The following CRYBG2 variants were observed in gnomAD, a reference collection of about 807,000 sequenced individuals.
CRYBG2 encodes the protein crystallin beta-gamma domain containing 2, also known as beta/gamma crystallin domain-containing protein 2.
Under a neutral mutation model 153.4 loss-of-function variants are expected in CRYBG2, and 106 were observed. The observed-to-expected ratio is 0.69, with a 90% confidence interval of 0.59 to 0.81. The LOEUF is 0.81. Among genes scored for constraint, CRYBG2 ranks in the 30% least tolerant of loss-of-function variants. The pLI, the probability that CRYBG2 is intolerant of heterozygous loss-of-function variation, is 0.00. For synonymous variants in CRYBG2, 851 were observed against 877.8 expected, an observed-to-expected ratio of 0.97 and a Z score of 0.54; for missense variants, 1,996 against 2,112.0, an observed-to-expected ratio of 0.95 and a Z score of 1.08.
intron 14 of CRYBG2, 151 bp from the exon 15 acceptor site, chr1:26,331,769 T>G: frequency 9.1e-7 from 1 of 1,094,214 alleles, no homozygotes; most frequent in East Asian, 2.6e-5. Context: ...CAGCAGGGAA[T>G]GAGGTCAGAC....
Position 26,351,211 on chromosome 1 carries a change from A to G in CRYBG2, c.-56+2825T>C, listed in dbSNP as rs935817460. Among the ~76,000 whole-genome samples, 14 of 152,140 alleles carry G rather than the reference A, an allele frequency of 9.2e-5. 1 individual carries two copies. Among genetic ancestry groups the G allele is most frequent in the African/African-American group, 3.4e-4 (14 of 41,526 alleles). On this transcript the variant is annotated intron_variant, in intron 1 of 19. Transcript: ENST00000308182. The stretch of plus-strand genomic sequence containing the variant: ...GGCCCCAGCCCACTCCCCTGTCCCC[A>G]TTAGGGAGCTCCCTTTTTCCTCATG...
Position 26,344,982 on chromosome 1 carries a change from G to A in CRYBG2, c.1676C>T (p.Ser559Phe). ...VKGPGAPAASSPTQKEVVQGS... is the reference protein window; with the variant it reads ...VKGPGAPAASFPTQKEVVQGS... ...CTGCACCACCTCCTTCTGGGTGGGGGATGAGGCAGCAGGAGCACCAGGGCC... is the reference window on the plus strand; with the variant it reads ...CTGCACCACCTCCTTCTGGGTGGGGAATGAGGCAGCAGGAGCACCAGGGCC... Residue 559 changes from serine (S) to phenylalanine (F), a missense_variant, in exon 2 of 20, where the codon TCC (serine) becomes TTC (phenylalanine). Transcript: ENST00000308182. 7.6e-7 allele frequency: 1 copy of A among 1,319,490 alleles called. No homozygotes were observed. The allele number at this position is 1,319,490 out of a possible 1,614,324, so 81.7% of individuals were successfully genotyped here. A position where few individuals can be genotyped will look rare whatever the true frequency, so the allele number is the denominator to read the frequency against.
In CRYBG2 at chr1:26,338,487, A is replaced by G; in HGVS notation, c.3345-10T>C. ...GGGGTACAGTAGCCACCTAGGGGAA[A>G]CAGAGAGGCTGCTGCACCCTAGCAG... On this transcript the variant is annotated splice_polypyrimidine_tract_variant and intron_variant, in intron 6 of 19. Coordinates refer to ENST00000308182, the MANE Select transcript of CRYBG2 (RefSeq NM_001039775.4). The G allele has an allele frequency of 6.3e-7, 1 of 1,595,942 alleles. No individual in the cohort carries two copies. Among genetic ancestry groups the G allele is most frequent in the Non-Finnish European group, 8.5e-7 (1 of 1,171,832 alleles).
At chr1:26,327,252 A>C (rs2073936019) in intron 17 of CRYBG2, among the ~76,000 whole-genome samples, 2 of 151,850 alleles carry the variant, frequency 1.3e-5, no homozygotes, top group Non-Finnish European at 1.5e-5. Flanking sequence ...GCAGATCACA[A>C]GTCAGGCGTT....
intron 5 of CRYBG2, among the ~76,000 whole-genome samples, chr1:26,341,351 A>T (rs112252019): frequency 4.6e-5 from 7 of 151,972 alleles, no homozygotes; most frequent in Admixed American, 6.6e-5. Flanking sequence ...AAAAAAAAAT[A>T]AAAAAATCAA....
chr1:26,328,189 G>A lies in CRYBG2; in HGVS notation c.4578+20C>T, dbSNP rs763767859. 1 of 1,557,984 alleles carries A rather than the reference G, an allele frequency of 6.4e-7. No homozygotes were observed. The highest frequency in any genetic ancestry group is 1.9e-5 in the Admixed American group (1 of 52,072). ...ACACGCTCAGCCCCAGACACGCTCAGCTCCAGCCACGCTACCCACCTGCTT... is the reference window on the plus strand; with the variant it reads ...ACACGCTCAGCCCCAGACACGCTCAACTCCAGCCACGCTACCCACCTGCTT... On this transcript the variant is annotated intron_variant, in intron 17 of 19. Transcript: ENST00000308182.
At chr1:26,323,100 A>G (rs1463393612) in intron 18 of CRYBG2, among the ~76,000 whole-genome samples, 1 of 126,618 alleles carries the variant, frequency 7.9e-6, no homozygotes, top group Non-Finnish European at 1.7e-5. Flanking sequence ...TTTTTTTTTG[A>G]GACAGAGTCT....
At chr1:26,322,771 G>A (rs1177247038) in intron 18 of CRYBG2, among the ~76,000 whole-genome samples, 1 of 152,182 alleles carries the variant, frequency 6.6e-6, no homozygotes, top group South Asian at 2.1e-4. Flanking sequence ...TCAATGCAGA[G>A]CCTGGCATGT....
rs149297216 is a variant in CRYBG2, at chr1:26,339,324, G to T, written c.3310C>A (p.Leu1104Met). Residue 1104 changes from leucine to methionine, a missense_variant, in exon 6 of 20, where the codon CTG (leucine) becomes ATG (methionine). Leu to Met is a conservative substitution (Grantham distance 15). Coordinates refer to ENST00000308182, the MANE Select transcript of CRYBG2 (RefSeq NM_001039775.4). ...LKNSQGLEKPLQVASATVSAG... is the reference protein window; with the variant it reads ...LKNSQGLEKPMQVASATVSAG... ...GAGACGGTGGCAGATGCCACCTGCA[G>T]GGGCTTCTCCAGACCCTGGGAATTC... 2.5e-5 allele frequency: 40 copies of T among 1,614,064 alleles called. No individual in the cohort carries two copies. In the African/African-American group the frequency reaches 4.8e-4, roughly 19 times the overall value.
chr1:26,336,702 G>A lies in CRYBG2; in HGVS notation c.3942C>T (p.Ser1314=), dbSNP rs751991056. 1 of 1,575,008 alleles carries A rather than the reference G, an allele frequency of 6.3e-7. No homozygotes were observed. The highest frequency in any genetic ancestry group is 8.6e-7 in the Non-Finnish European group (1 of 1,159,964). The stretch of plus-strand genomic sequence containing the variant: ...CCTTCTCCAGCACGTACTGTTCCCC[G>A]GAGAAGCCCACCTCCTGGTAGGCCA... The part of the protein sequence containing the change: ...VWVAYQEVGF[S]GEQYVLEKGV... The change falls in exon 12 of 20, where the codon TCC becomes TCT. Residue 1314 remains serine (S), a synonymous_variant. Transcript: ENST00000308182. The surrounding 1 kb of genome is among the most constrained non-coding windows in gnomAD (Gnocchi z 4.9).
chr1:26,345,893 C>A lies in CRYBG2; in HGVS notation c.765G>T (p.Arg255Ser), dbSNP rs370868026. 2 of 1,597,598 alleles carry A rather than the reference C, an allele frequency of 1.3e-6. No homozygotes were observed. Among genetic ancestry groups the A allele is most frequent in the Non-Finnish European group, 1.7e-6 (2 of 1,179,564 alleles). ...GHSPPASHLP[R>S]PTAGGPRSTG... ...TGCTCCTTGGCCCGCCAGCCGTGGG[C>A]CTGGGCAGGTGACTGGCAGGGGGGC... Residue 255 changes from arginine to serine, a missense_variant, in exon 2 of 20, where the codon AGG becomes AGT. By Grantham distance (110) the Arg-to-Ser change is moderately radical. Transcript: ENST00000308182.
chr1:26,342,812 C>G lies in CRYBG2; in HGVS notation c.3146G>C (p.Arg1049Thr), dbSNP rs776473233. Residue 1049 changes from arginine (R) to threonine (T), a missense_variant, in exon 5 of 20, where the codon AGA becomes ACA. By Grantham distance (71) the Arg-to-Thr change is moderately conservative. Transcript: ENST00000308182. ...GGGACTCCACTTTGTCCCTGGGGTTCTGAGTTCCATGTCTCCTTCAGGCAG... is the reference window on the plus strand; with the variant it reads ...GGGACTCCACTTTGTCCCTGGGGTTGTGAGTTCCATGTCTCCTTCAGGCAG... ...LVLPEGDMEL[R>T]TPGTKWSPQG... 6.2e-7 allele frequency: 1 copy of G among 1,614,144 alleles called. No individual in the cohort carries two copies. The highest frequency in any genetic ancestry group is 8.5e-7 in the Non-Finnish European group (1 of 1,180,020).
chr1:26,347,520 G>A (rs373352343), intron 1 of CRYBG2, among the ~76,000 whole-genome samples: 4 of 149,812 alleles, frequency 2.7e-5, no homozygotes, highest in East Asian at 3.9e-4. Flanking sequence ...ACAGAGTCTC[G>A]CTCTGTCACC....
At chr1:26,348,586 C>T (rs111513746) in intron 1 of CRYBG2, among the ~76,000 whole-genome samples, 2 of 151,936 alleles carry the variant, frequency 1.3e-5, no homozygotes, top group Non-Finnish European at 1.5e-5. Context: ...GACAGAGTCT[C>T]GCTCTGTCGC....
rs1156415094 is a variant in CRYBG2, at chr1:26,339,492, A to G, written c.3205-63T>C. 2.3e-5 allele frequency: 37 copies of G among 1,584,178 alleles called. No homozygotes were observed. In the South Asian group the frequency reaches 3.9e-4, roughly 17 times the overall value. Reference sequence around the variant, plus strand: ...GCCAGGCGTGGTGGCTCACGCCTGTAATCCCAGCACTTTGGGAGGCCGAGG... The same window carrying G: ...GCCAGGCGTGGTGGCTCACGCCTGTGATCCCAGCACTTTGGGAGGCCGAGG... On this transcript the variant is annotated intron_variant, in intron 5 of 19. Coordinates refer to ENST00000308182, the MANE Select transcript of CRYBG2 (RefSeq NM_001039775.4).
intron 17 of CRYBG2, 23 bp from the exon 18 acceptor site, chr1:26,324,333 A>G: frequency 6.3e-7 from 1 of 1,588,900 alleles, no homozygotes; most frequent in East Asian, 2.3e-5. Flanking sequence ...AGAGGCTGAG[A>G]GTCAGGGGTG....
chr1:26,322,051 G>T lies in CRYBG2; in HGVS notation c.4903C>A (p.Arg1635=). 1.9e-6 allele frequency: 3 copies of T among 1,606,142 alleles called. No homozygotes were observed. Among genetic ancestry groups the T allele is most frequent in the Non-Finnish European group, 2.6e-6 (3 of 1,173,680 alleles). ...ACCACGTGGTCCCGGTCGTAGCCCCGGCCTCCTGGGGGTGGGATGGGGATT... is the reference window on the plus strand; with the variant it reads ...ACCACGTGGTCCCGGTCGTAGCCCCTGCCTCCTGGGGGTGGGATGGGGATT... ...EGQILDVKGG[R]GYDRDHVVLW... Residue 1635 remains arginine, a synonymous_variant, in exon 20 of 20, where the codon CGG becomes AGG. Coordinates refer to ENST00000308182, the MANE Select transcript of CRYBG2 (RefSeq NM_001039775.4).
At chr1:26,348,766 G>A (rs2074254632) in intron 1 of CRYBG2, among the ~76,000 whole-genome samples, 1 of 151,836 alleles carries the variant, frequency 6.6e-6, no homozygotes, top group Non-Finnish European at 1.5e-5. Flanking sequence ...ATGTTGCCCA[G>A]GCTGGTCTCA....
chr1:26,345,221 C>T lies in CRYBG2; in HGVS notation c.1437G>A (p.Glu479=). Reference sequence around the variant, plus strand: ...CAGAAGCACTGGACCCCTGCACCACCTCCTTCCGGGTGGGAGATGAGGCAG... The same window carrying T: ...CAGAAGCACTGGACCCCTGCACCACTTCCTTCCGGGTGGGAGATGAGGCAG... ...APAASSPTRK[E]VVQGSSASAA... The change falls in exon 2 of 20, where the codon GAG becomes GAA. Residue 479 remains glutamate (E), a synonymous_variant. Transcript: ENST00000308182. 2.0e-6 allele frequency: 3 copies of T among 1,476,958 alleles called. No homozygotes were observed. The South Asian group carries it at 3.7e-5, about 18-fold the overall frequency. The allele number at this position is 1,476,958 out of a possible 1,614,324, so 91.5% of individuals were successfully genotyped here.
Sources: gnomAD v4.1 joint callset for allele counts (sites outside exome capture counted in the v4.1 genomes callset) on GRCh38, gnomAD v4.1.1 for gene constraint, Gnocchi (gnomAD v3.1) non-coding constraint, MANE v1.5 for transcripts, NCBI Gene and HGNC (gene_info 2026-07-23, HGNC 2026-07-21) for gene names.